The following DLGAP1 variants were observed in gnomAD, a reference collection of about 807,000 sequenced individuals.
DLGAP1 encodes DLG associated protein 1.
DLGAP1 carries 11 observed loss-of-function variants against 90.8 expected under a neutral mutation model. The ratio of observed to expected loss-of-function variants is 0.12; its 90% CI spans 0.08 to 0.20. DLGAP1 has a LOEUF of 0.20. DLGAP1 is among the 10% of genes least tolerant of loss of function. The pLI is 1.00. For missense variants in DLGAP1, 1,050 were observed against 1,333.8 expected (o/e 0.79, Z 3.31); for synonymous variants, 558 against 540.7 (o/e 1.03, Z -0.44).
chr18:3,812,565 T>C (rs2066897288), intron 5 of DLGAP1, among the ~76,000 whole-genome samples: 1 of 152,090 alleles, frequency 6.6e-6, no homozygotes, highest in African/African-American at 2.4e-5. Flanking sequence ...ACACATGTAG[T>C]AATAAAGGCA....
At position 3,727,129 on chromosome 18, in the gene DLGAP1, G is replaced by A. The variant is rs147780248; in HGVS notation, c.1591+2006C>T. On this transcript the variant is annotated intron_variant, in intron 7 of 12. Coordinates refer to ENST00000315677, the MANE Select transcript of DLGAP1 (RefSeq NM_004746.4). The surrounding 1 kb of genome is among the most constrained non-coding windows in gnomAD (Gnocchi z 4.7). The stretch of plus-strand genomic sequence containing the variant: ...ATAAGTGTTTCTCATGCAATATTTG[G>A]GATATACCTATCCAGCAGAATTATT... Among the ~76,000 whole-genome samples, 2 of 152,144 alleles carry A rather than the reference G, an allele frequency of 1.3e-5. No individual in the cohort carries two copies. The highest frequency in any genetic ancestry group is 1.9e-4 in the East Asian group (1 of 5,178).
chr18:4,397,363 T>C (rs544764509), intron 1 of DLGAP1, among the ~76,000 whole-genome samples: 60 of 152,332 alleles, frequency 3.9e-4, no homozygotes, highest in African/African-American at 1.4e-3. Context: ...CTAAAATAGA[T>C]CATTTTAAAT....
chr18:4,252,781 A>C (rs1036880300), intron 1 of DLGAP1, among the ~76,000 whole-genome samples: 2 of 152,206 alleles, frequency 1.3e-5, no homozygotes, highest in Non-Finnish European at 2.9e-5. Flanking sequence ...ACATTGCCCC[A>C]GATGTCAGAT....
chr18:3,563,115 C>A (rs763286575), intron 9 of DLGAP1, among the ~76,000 whole-genome samples: 14 of 152,200 alleles, frequency 9.2e-5, no homozygotes, highest in Non-Finnish European at 1.3e-4. Context: ...ATGTGAGCCA[C>A]TGAACCCGGC....
rs751407164 is a variant in DLGAP1, at chr18:3,729,160, G to A, written c.1566C>T (p.Thr522=). The A allele has an allele frequency of 1.2e-5, 19 of 1,610,998 alleles. No individual in the cohort carries two copies. The East Asian group carries it at 3.3e-4, about 28-fold the overall frequency. The change falls in exon 7 of 13, where the codon ACC becomes ACT. Residue 522 remains threonine (T), a synonymous_variant. Transcript: ENST00000315677. The surrounding 1 kb of genome is among the most constrained non-coding windows in gnomAD (Gnocchi z 6.2). Reference sequence around the variant, plus strand: ...CCGTGCTGCTCTGGATGGTCCTAACGGTGGTGGTGGTGCGCGGCGGCGAGG... The same window carrying A: ...CCGTGCTGCTCTGGATGGTCCTAACAGTGGTGGTGGTGCGCGGCGGCGAGG... ...RSSSPPRTTT[T]VRTIQSSTVS...
At chr18:4,377,627 T>G (rs1488150232) in intron 1 of DLGAP1, among the ~76,000 whole-genome samples, 3 of 152,170 alleles carry the variant, frequency 2.0e-5, no homozygotes, top group Non-Finnish European at 4.4e-5. Flanking sequence ...GTCCTTATAT[T>G]ATGACATGTA....
At chr18:4,075,922 T>C (rs1230342438) in intron 2 of DLGAP1, among the ~76,000 whole-genome samples, 1 of 152,176 alleles carries the variant, frequency 6.6e-6, no homozygotes, top group Non-Finnish European at 1.5e-5. Context: ...TTGTCTGAAA[T>C]TGAATCATGG....
intron 10 of DLGAP1, among the ~76,000 whole-genome samples, chr18:3,524,291 A>C (rs2051458841): frequency 6.6e-6 from 1 of 152,012 alleles, no homozygotes; most frequent in Non-Finnish European, 1.5e-5. Flanking sequence ...AAAAAAAAGA[A>C]AGAAAGAAAT....
chr18:4,239,116 C>T (rs934999191), intron 1 of DLGAP1, among the ~76,000 whole-genome samples: 5 of 152,086 alleles, frequency 3.3e-5, no homozygotes, highest in Non-Finnish European at 5.9e-5. Flanking sequence ...CAGTCTATAC[C>T]GTACAGCAGC....
intron 3 of DLGAP1, among the ~76,000 whole-genome samples, chr18:3,973,588 T>C (rs1420093016): frequency 6.6e-6 from 1 of 152,208 alleles, no homozygotes; most frequent in Admixed American, 6.5e-5. Flanking sequence ...GCTGGAAGGA[T>C]TCTAACTCGA....
intron 1 of DLGAP1, among the ~76,000 whole-genome samples, chr18:4,278,890 C>A (rs183928466): frequency 7.4e-4 from 113 of 152,212 alleles, no homozygotes; most frequent in African/African-American, 2.5e-3. Context: ...TGGGTAGATA[C>A]CCATTAGTGG....
chr18:4,417,752 G>A (rs1260444489), intron 1 of DLGAP1, among the ~76,000 whole-genome samples: 1 of 152,158 alleles, frequency 6.6e-6, no homozygotes, highest in Admixed American at 6.6e-5. Context: ...GGGGAAGATA[G>A]AGAGGCAGAT....
chr18:3,742,807 C>T (rs1334692628), intron 5 of DLGAP1, among the ~76,000 whole-genome samples: 3 of 152,182 alleles, frequency 2.0e-5, no homozygotes, highest in Non-Finnish European at 4.4e-5. Context: ...AGCAATTGTC[C>T]TGCCCAGGAA....
chr18:4,306,605 T>C (rs1386389879), intron 1 of DLGAP1, among the ~76,000 whole-genome samples: 1 of 152,058 alleles, frequency 6.6e-6, no homozygotes, highest in Non-Finnish European at 1.5e-5. Context: ...TTTCCAAAAA[T>C]TAAATCTAAT....
intron 3 of DLGAP1, among the ~76,000 whole-genome samples, chr18:3,956,969 C>T (rs964895304): frequency 3.3e-5 from 5 of 152,168 alleles, no homozygotes; most frequent in Admixed American, 2.0e-4. Flanking sequence ...CTTATTTACT[C>T]ATCTCTTTTC....
At chr18:3,965,635 C>G (rs1315041694) in intron 3 of DLGAP1, among the ~76,000 whole-genome samples, 2 of 152,196 alleles carry the variant, frequency 1.3e-5, no homozygotes, top group African/African-American at 4.8e-5. Context: ...GTCTACTACC[C>G]TGCAAGTACT....
At chr18:3,861,463 C>G (rs2070053660) in intron 4 of DLGAP1, among the ~76,000 whole-genome samples, 1 of 152,130 alleles carries the variant, frequency 6.6e-6, no homozygotes, top group African/African-American at 2.4e-5. Context: ...AAGAACTTTT[C>G]TTCTAAGCAA....
intron 1 of DLGAP1, among the ~76,000 whole-genome samples, chr18:4,379,103 T>C (rs1473021113): frequency 1.3e-5 from 2 of 152,158 alleles, no homozygotes; most frequent in East Asian, 3.9e-4. Context: ...CAATTACTAG[T>C]AGTTCTTGGA....
intron 10 of DLGAP1, among the ~76,000 whole-genome samples, chr18:3,513,573 A>G (rs1214777831): frequency 6.6e-6 from 1 of 152,236 alleles, no homozygotes; most frequent in Non-Finnish European, 1.5e-5. Flanking sequence ...AGGAAGCAAG[A>G]GCAAAGCACA....
Sources: allele counts gnomAD v4.1 joint callset (sites outside exome capture counted in the v4.1 genomes callset), GRCh38; gene constraint gnomAD v4.1.1; non-coding constraint Gnocchi (gnomAD v3.1); transcripts MANE v1.5; gene names NCBI Gene and HGNC (gene_info 2026-07-23, HGNC 2026-07-21).